The following MAPKAPK2 variants were observed in gnomAD, a reference collection of about 807,000 sequenced individuals.
The protein encoded by MAPKAPK2 is MAPK activated protein kinase 2.
A neutral mutation model predicts 48.8 loss-of-function variants in MAPKAPK2; 9 were observed. The observed-to-expected ratio is 0.18, with a 90% CI of 0.11 to 0.32. The LOEUF (loss-of-function observed/expected upper bound fraction) is 0.32. Among genes scored for constraint, MAPKAPK2 ranks in the 10% least tolerant of loss-of-function variants. The pLI is 1.00. For synonymous variants in MAPKAPK2, 202 were observed against 190.6 expected, an observed-to-expected ratio of 1.06 and a Z score of -0.49; for missense variants, 331 against 498.3, an observed-to-expected ratio of 0.66 and a Z score of 3.20.
intron 1 of MAPKAPK2, among the ~76,000 whole-genome samples, chr1:206,696,661 G>A (rs1553427108): frequency 6.6e-6 from 1 of 152,182 alleles, no homozygotes; most frequent in Non-Finnish European, 1.5e-5. Context: ...CTATGATCAT[G>A]TCAGTGCACT....
intron 1 of MAPKAPK2, among the ~76,000 whole-genome samples, chr1:206,714,399 A>G (rs1363088564): frequency 6.6e-6 from 1 of 152,046 alleles, no homozygotes; most frequent in Admixed American, 6.6e-5. Context: ...TCAGATTATG[A>G]TTTGTTCTAG....
chr1:206,731,573 C>G lies in MAPKAPK2; in HGVS notation c.893-67C>G. On this transcript the variant is annotated intron_variant, in intron 7 of 9. Coordinates refer to ENST00000367103, the MANE Select transcript of MAPKAPK2 (RefSeq NM_032960.4). The surrounding 1 kb of genome is among the most constrained non-coding windows in gnomAD (Gnocchi z 5.9). ...TTTGAACCTGGTTTCCCCATGAAAA[C>G]TGGGGAAAGGAGCAGGCCAGGGAGA... The G allele has an allele frequency of 7.2e-7, 1 of 1,383,960 alleles. No individual in the cohort carries two copies. The highest frequency in any genetic ancestry group is 1.2e-5 in the South Asian group (1 of 86,456). 85.7% of individuals were successfully genotyped at this position (1,383,960 alleles called of 1,614,324 possible). A position where few individuals can be genotyped will look rare whatever the true frequency, so the allele number is the denominator to read the frequency against.
chr1:206,705,879 A>G (rs1672935732), intron 1 of MAPKAPK2, among the ~76,000 whole-genome samples: 1 of 152,174 alleles, frequency 6.6e-6, no homozygotes, highest in Non-Finnish European at 1.5e-5. Flanking sequence ...CTCCTGAGAA[A>G]TGACTGGGAG....
chr1:206,734,110 C>G lies in MAPKAPK2; in HGVS notation c.*1392C>G, dbSNP rs573572831. 13 of 152,872 alleles carry G rather than the reference C, an allele frequency of 8.5e-5. 1 individual carries two copies. In the East Asian group the frequency reaches 1.9e-3, roughly 22 times the overall value. 9.5% of individuals were successfully genotyped at this position (152,872 alleles called of 1,614,324 possible). On this transcript the variant is annotated 3_prime_UTR_variant, in exon 10 of 10. Coordinates refer to ENST00000367103, the MANE Select transcript of MAPKAPK2 (RefSeq NM_032960.4). ...GTGGCAGGAATACTTCACCTTTCCT[C>G]TCCCTCAGGGGCAGGTGGTGGAGGG...
At position 206,733,072 on chromosome 1, in the gene MAPKAPK2, T is replaced by C; in HGVS notation, c.*354T>C. 1 of 219,064 alleles carries C rather than the reference T, an allele frequency of 4.6e-6. No individual in the cohort carries two copies. The highest frequency in any genetic ancestry group is 9.1e-6 in the Non-Finnish European group (1 of 109,576). 13.6% of individuals were successfully genotyped at this position (219,064 alleles called of 1,614,324 possible). ...TCTGGATACTGCAAAGGCTTGTGGT[T>C]TGTTAGAGGGTATTTGTGGAAACTG... On this transcript the variant is annotated 3_prime_UTR_variant, in exon 10 of 10. Coordinates refer to ENST00000367103, the MANE Select transcript of MAPKAPK2 (RefSeq NM_032960.4).
intron 1 of MAPKAPK2, among the ~76,000 whole-genome samples, chr1:206,718,399 G>T (rs753353715): frequency 1.3e-5 from 2 of 152,106 alleles, no homozygotes; most frequent in Non-Finnish European, 2.9e-5. Context: ...AGGCATGGTG[G>T]TGGGCGCCTG....
In MAPKAPK2 at chr1:206,696,118, T is replaced by G. The variant is rs565609048; in HGVS notation, c.279+10610T>G. On this transcript the variant is annotated intron_variant, in intron 1 of 9. Transcript: ENST00000367103. ...CCTACCAGTCACACGGCAGATGATT[T>G]CTTTGCCAGAAAGATCAGTGACATG... is the stretch of plus-strand genomic sequence containing the variant. The G allele has an allele frequency of 5.6e-4, 838 of 1,485,740 alleles. 3 individuals carry two copies. In the African/African-American group the frequency reaches 8.4e-3, roughly 15 times the overall value. The allele number at this position is 1,485,740 out of a possible 1,614,324, so 92.0% of individuals were successfully genotyped here.
At position 206,731,430 on chromosome 1, in the gene MAPKAPK2, G is replaced by T; in HGVS notation, c.892+168G>T. On this transcript the variant is annotated intron_variant, in intron 7 of 9. Coordinates refer to ENST00000367103, the MANE Select transcript of MAPKAPK2 (RefSeq NM_032960.4). The surrounding 1 kb of genome is among the most constrained non-coding windows in gnomAD (Gnocchi z 5.9). ...GGGTGCGTCCTGCTTCATTTTGCCT[G>T]TGTGGAGGGCTGGAGGCAGGGCCAA... The T allele has an allele frequency of 1.5e-6, 2 of 1,363,754 alleles. No homozygotes were observed. Among genetic ancestry groups the T allele is most frequent in the Non-Finnish European group, 2.0e-6 (2 of 998,328 alleles). 84.5% of individuals were successfully genotyped at this position (1,363,754 alleles called of 1,614,324 possible).
Position 206,729,209 on chromosome 1 carries a change from C to T in MAPKAPK2, c.484+110C>T, listed in dbSNP as rs558134341. On this transcript the variant is annotated intron_variant, in intron 3 of 9. Transcript: ENST00000367103. ...GGAAGGGTGCTGAGGCTGCTGCCCC[C>T]TCCAGCATGCTGCAAGGGGTGCCTC... 5.2e-4 allele frequency: 643 copies of T among 1,247,576 alleles called. 8 individuals are homozygous for T. In the Admixed American group the frequency reaches 0.01, roughly 20 times the overall value. The allele number at this position is 1,247,576 out of a possible 1,614,324, so 77.3% of individuals were successfully genotyped here. A position where few individuals can be genotyped will look rare whatever the true frequency, so the allele number is the denominator to read the frequency against.
intron 1 of MAPKAPK2, among the ~76,000 whole-genome samples, chr1:206,691,113 G>A (rs536070008): frequency 1.1e-3 from 171 of 151,040 alleles, no homozygotes; most frequent in South Asian, 2.9e-3. Context: ...CATCTTTCTT[G>A]ACTCCTTGCA....
At chr1:206,692,139 G>C (rs1364247536) in intron 1 of MAPKAPK2, among the ~76,000 whole-genome samples, 1 of 152,226 alleles carries the variant, frequency 6.6e-6, no homozygotes, top group African/African-American at 2.4e-5. Context: ...TGTGCACAGG[G>C]ATCTGGTTGA....
intron 1 of MAPKAPK2, among the ~76,000 whole-genome samples, chr1:206,722,878 G>A (rs551287198): frequency 3.9e-5 from 6 of 152,216 alleles, no homozygotes; most frequent in African/African-American, 1.2e-4. Flanking sequence ...CAGCAGAGGC[G>A]CCGGTGGTCC....
intron 1 of MAPKAPK2, among the ~76,000 whole-genome samples, chr1:206,690,689 A>T (rs1440803157): frequency 6.6e-6 from 1 of 152,210 alleles, no homozygotes; most frequent in Non-Finnish European, 1.5e-5. Context: ...GAGGGGCCAA[A>T]GCTCCTGTTA....
chr1:206,685,301 C>G lies in MAPKAPK2; in HGVS notation c.72C>G (p.Pro24=), dbSNP rs17041931. 23,804 of 687,536 alleles carry G rather than the reference C, an allele frequency of 0.035. 1,477 individuals carry two copies. Among genetic ancestry groups the G allele is most frequent in the South Asian group, 0.19 (7,835 of 41,788 alleles). 42.6% of individuals were successfully genotyped at this position (687,536 alleles called of 1,614,324 possible). Residue 24 remains proline (P), a synonymous_variant, in exon 1 of 10, where the codon CCC becomes CCG. Coordinates refer to ENST00000367103, the MANE Select transcript of MAPKAPK2 (RefSeq NM_032960.4). ...CCCCGGCCCCGCCGCCGCAGCCCCCCACCCCTGCCCTGCCGCACCCCCCGG... is the reference window on the plus strand; with the variant it reads ...CCCCGGCCCCGCCGCCGCAGCCCCCGACCCCTGCCCTGCCGCACCCCCCGG... ...FPAPAPPPQP[P]TPALPHPPAQ...
intron 6 of MAPKAPK2, 59 bp downstream of exon 6, chr1:206,730,822 C>G: frequency 6.4e-7 from 1 of 1,551,144 alleles, no homozygotes; most frequent in Non-Finnish European, 8.9e-7. Flanking sequence ...CTGTACTTCT[C>G]CAGGACAAGA....
At chr1:206,709,406 T>A (rs534819502) in intron 1 of MAPKAPK2, among the ~76,000 whole-genome samples, 54 of 152,190 alleles carry the variant, frequency 3.5e-4, no homozygotes, top group Non-Finnish European at 7.2e-4. Flanking sequence ...GTGATCTACA[T>A]GTGGATTCTA....
Position 206,731,981 on chromosome 1 carries a change from C to T in MAPKAPK2, c.1059+62C>T. 1 of 1,614,056 alleles carries T rather than the reference C, an allele frequency of 6.2e-7. No individual in the cohort carries two copies. Among genetic ancestry groups the T allele is most frequent in the African/African-American group, 1.3e-5 (1 of 75,004 alleles). ...GGGTGGGCGGCTTGCGGGGAGTGCC[C>T]AGGTGTGAGGCGTGGTGCTGGTAGG... On this transcript the variant is annotated intron_variant, in intron 9 of 9. Transcript: ENST00000367103. This position sits in a 1 kb window ranked among gnomAD's most constrained non-coding sequence, Gnocchi z 5.9.
chr1:206,698,068 C>T (rs1672686302), intron 1 of MAPKAPK2, among the ~76,000 whole-genome samples: 1 of 152,248 alleles, frequency 6.6e-6, no homozygotes, highest in African/African-American at 2.4e-5. Context: ...CAGGGAGCCT[C>T]GGGGACTAAG....
At chr1:206,709,173 C>T (rs1673059259) in intron 1 of MAPKAPK2, among the ~76,000 whole-genome samples, 1 of 152,152 alleles carries the variant, frequency 6.6e-6, no homozygotes, top group Admixed American at 6.5e-5. Flanking sequence ...TCTGCCCTGC[C>T]CTCTCATTGT....
Sources: gnomAD v4.1 joint callset for allele counts (sites outside exome capture counted in the v4.1 genomes callset) on GRCh38, gnomAD v4.1.1 for gene constraint, Gnocchi (gnomAD v3.1) non-coding constraint, MANE v1.5 for transcripts, NCBI Gene and HGNC (gene_info 2026-07-23, HGNC 2026-07-21) for gene names.